Variants in TAOK3 observed in about 807,000 individuals in gnomAD.
The protein encoded by TAOK3 is TAO kinase 3.
In TAOK3, 40 loss-of-function variants were observed where a neutral mutation model predicts 120.4. That is an observed-to-expected ratio of 0.33 (90% confidence interval 0.26 to 0.43). The LOEUF is 0.43. Ranked by LOEUF, TAOK3 falls within the 20% of genes least tolerant of loss-of-function variation. The pLI is 1.00. For missense variants in TAOK3, 821 were observed against 1,112.1 expected, an observed-to-expected ratio of 0.74 and a Z score of 3.72; for synonymous variants, 355 against 387.5, an observed-to-expected ratio of 0.92 and a Z score of 0.99.
At position 118,184,822 on chromosome 12, in the gene TAOK3, C is replaced by A. The variant is rs2036976181; in HGVS notation, c.1330-3215G>T. Among the ~76,000 whole-genome samples the A allele has an allele frequency of 3.3e-5, 5 of 152,334 alleles. No homozygotes were observed. In the South Asian group the frequency reaches 8.3e-4, roughly 25 times the overall value. ...GGAGAAAAACCTCATCTATCTCTTA[C>A]TATATAATTGACCTTGGGCAAATTA... On this transcript the variant is annotated intron_variant, in intron 14 of 20. Coordinates refer to ENST00000392533, the MANE Select transcript of TAOK3 (RefSeq NM_016281.4).
At chr12:118,155,514 G>C (rs1345039804) in intron 19 of TAOK3, among the ~76,000 whole-genome samples, 2 of 152,136 alleles carry the variant, frequency 1.3e-5, no homozygotes, top group African/African-American at 4.8e-5. Context: ...AGGTAAATTA[G>C]GGTCAAAACA....
chr12:118,319,304 A>T (rs905269411), intron 1 of TAOK3, among the ~76,000 whole-genome samples: 3 of 152,220 alleles, frequency 2.0e-5, no homozygotes, highest in African/African-American at 7.2e-5. Context: ...GAAACAAAAG[A>T]AAAATAAATT....
Position 118,150,952 on chromosome 12 carries a change from T to G in TAOK3, c.*45A>C. On this transcript the variant is annotated 3_prime_UTR_variant, in exon 21 of 21. Coordinates refer to ENST00000392533, the MANE Select transcript of TAOK3 (RefSeq NM_016281.4). ...TTTGCAGGGTCTGAATTTTTTTCTG[T>G]TTTCTTTTTTTTTTTTTTTTTTGTA... is the stretch of plus-strand genomic sequence containing the variant. 1 of 1,528,044 alleles carries G rather than the reference T, an allele frequency of 6.5e-7. No homozygotes were observed. Among genetic ancestry groups the G allele is most frequent in the Non-Finnish European group, 8.8e-7 (1 of 1,140,182 alleles). 94.7% of individuals were successfully genotyped at this position (1,528,044 alleles called of 1,614,324 possible). A position where few individuals can be genotyped will look rare whatever the true frequency, so the allele number is the denominator to read the frequency against.
At chr12:118,177,650 C>A (rs1304334783) in intron 15 of TAOK3, among the ~76,000 whole-genome samples, 1 of 151,762 alleles carries the variant, frequency 6.6e-6, no homozygotes, top group Non-Finnish European at 1.5e-5. Context: ...ATGGTGAAAC[C>A]CAGTCTCGAC....
At chr12:118,233,076 A>G (rs1352220790) in intron 9 of TAOK3, among the ~76,000 whole-genome samples, 1 of 152,092 alleles carries the variant, frequency 6.6e-6, no homozygotes, top group South Asian at 2.1e-4. Flanking sequence ...GCAGCCATAA[A>G]AAATGATGAG....
chr12:118,237,931 C>A lies in TAOK3; in HGVS notation c.437+142G>T, dbSNP rs1593257528. ...AGAAGCTAAATTCTGGCAACTTTAT[C>A]CTTTATATCCAGAAGCAGCAATCTA... On this transcript the variant is annotated intron_variant, in intron 7 of 20. Transcript: ENST00000392533. 4 of 536,164 alleles carry A rather than the reference C, an allele frequency of 7.5e-6. No homozygotes were observed. The South Asian group carries it at 1.2e-4, about 16-fold the overall frequency. 33.2% of individuals were successfully genotyped at this position (536,164 alleles called of 1,614,324 possible). A position where few individuals can be genotyped will look rare whatever the true frequency, so the allele number is the denominator to read the frequency against.
chr12:118,318,304 C>G (rs761959552), intron 1 of TAOK3, among the ~76,000 whole-genome samples: 1 of 151,848 alleles, frequency 6.6e-6, no homozygotes, highest in Non-Finnish European at 1.5e-5. Flanking sequence ...ACTACAGGAA[C>G]GCACCACCAC....
chr12:118,195,478 C>A (rs1310380533), intron 13 of TAOK3, among the ~76,000 whole-genome samples: 2 of 152,160 alleles, frequency 1.3e-5, no homozygotes, highest in African/African-American at 4.8e-5. Context: ...ACCGGAGTCA[C>A]TTGTGAATAA....
At chr12:118,175,179 A>G (rs1468832328) in intron 16 of TAOK3, among the ~76,000 whole-genome samples, 3 of 152,174 alleles carry the variant, frequency 2.0e-5, no homozygotes. Flanking sequence ...TAAATCAAAT[A>G]CAATTTTCTG....
In TAOK3 at chr12:118,177,294, C is replaced by T. The variant is rs574494669; in HGVS notation, c.1602G>A (p.Gln534=). The T allele has an allele frequency of 1.2e-6, 2 of 1,613,734 alleles. No individual in the cohort carries two copies. The highest frequency in any genetic ancestry group is 2.7e-5 in the African/African-American group (2 of 75,022). Residue 534 remains glutamine, a synonymous_variant, in exon 16 of 21, where the codon CAG becomes CAA. Transcript: ENST00000392533. ...TCTTCTGCTGGGCCAAGATCTGTTGCTGGAACTTCTTCTCATCTGCTGCAG... is the reference window on the plus strand; with the variant it reads ...TCTTCTGCTGGGCCAAGATCTGTTGTTGGAACTTCTTCTCATCTGCTGCAG... ...KVAAADEKKF[Q]QQILAQQKKD... is the part of the protein sequence containing the mutation.
At chr12:118,253,817 G>T (rs1223079952) in intron 3 of TAOK3, among the ~76,000 whole-genome samples, 1 of 151,694 alleles carries the variant, frequency 6.6e-6, no homozygotes, top group Admixed American at 6.6e-5. Context: ...ACTTTGGGAG[G>T]CCGAGGTGGT....
At chr12:118,356,302 T>C (rs964292280) in intron 1 of TAOK3, among the ~76,000 whole-genome samples, 2 of 146,722 alleles carry the variant, frequency 1.4e-5, no homozygotes, top group South Asian at 2.2e-4. Flanking sequence ...TTTCTTTTTT[T>C]TTTTTTTTTT....
chr12:118,344,057 AT>A (rs1349465193), intron 1 of TAOK3, among the ~76,000 whole-genome samples: 2 of 151,656 alleles, frequency 1.3e-5, no homozygotes, highest in Middle Eastern at 3.4e-3. Context: ...GCTCTACAAG[AT>A]TAAGAAAAGA....
chr12:118,362,586 A>G (rs765802998), intron 1 of TAOK3, among the ~76,000 whole-genome samples: 1 of 152,310 alleles, frequency 6.6e-6, no homozygotes, highest in East Asian at 1.9e-4. Context: ...AATTGCCTAG[A>G]TCACACAGTA....
intron 8 of TAOK3, among the ~76,000 whole-genome samples, chr12:118,234,586 A>T (rs1042395042): frequency 1.1e-4 from 17 of 152,048 alleles, no homozygotes; most frequent in Admixed American, 9.2e-4. Flanking sequence ...TTTGTAGCCC[A>T]GGTTGGGGTG....
At position 118,201,372 on chromosome 12, in the gene TAOK3, T is replaced by C. The variant is rs752140752; in HGVS notation, c.911A>G (p.Gln304Arg). ...KDAVRELDNL[Q>R]YRKMKKILFQ... is the part of the protein sequence containing the mutation. ...AAGTATTTTTTTCATTTTTCGGTAC[T>C]GTAGGTTATCTAGCTCACGAACTGC... Residue 304 changes from glutamine (Q) to arginine (R), a missense_variant, in exon 12 of 21, where the codon CAG (glutamine) becomes CGG (arginine). This residue lies in a region of TAOK3 where 467 missense variants were observed against 540.0 expected (regional missense o/e 0.86). Transcript: ENST00000392533. The C allele has an allele frequency of 1.2e-6, 2 of 1,614,146 alleles. No homozygotes were observed. The highest frequency in any genetic ancestry group is 1.1e-5 in the South Asian group (1 of 91,076).
chr12:118,262,940 T>C (rs2041295994), intron 2 of TAOK3, among the ~76,000 whole-genome samples: 1 of 151,634 alleles, frequency 6.6e-6, no homozygotes, highest in Admixed American at 6.6e-5. Flanking sequence ...TGAAGGGATA[T>C]ACGGTGTTTA....
chr12:118,245,044 CTATT>C (rs1012665338), intron 3 of TAOK3, 79 bp from the exon 4 acceptor site: 1 of 920,794 alleles, frequency 1.1e-6, no homozygotes, highest in Non-Finnish European at 1.7e-6. Context: ...TGACTAGAGA[CTATT>C]TATTTATATA....
intron 14 of TAOK3, among the ~76,000 whole-genome samples, chr12:118,188,955 C>T (rs866621663): frequency 2.0e-4 from 31 of 151,596 alleles, no homozygotes; most frequent in African/African-American, 7.1e-4. Flanking sequence ...AGTGTGAGCG[C>T]GCACGCGCAC....
Sources: gnomAD v4.1 joint callset for allele counts (sites outside exome capture counted in the v4.1 genomes callset) on GRCh38, gnomAD v4.1.1 for gene constraint, gnomAD v4.1.1 regional missense constraint, MANE v1.5 for transcripts, NCBI Gene and HGNC (gene_info 2026-07-23, HGNC 2026-07-21) for gene names.